The following MACROD2 variants were observed in gnomAD, a reference collection of about 807,000 sequenced individuals.
MACROD2 encodes the protein ADP-ribose glycohydrolase MACROD2.
Under a neutral mutation model 70.4 loss-of-function variants are expected in MACROD2, and 36 were observed. The observed-to-expected ratio is 0.51, with a 90% CI of 0.39 to 0.68. MACROD2 has a LOEUF of 0.68. MACROD2 is among the 30% of genes least tolerant of loss of function. The pLI is 0.00. For synonymous variants in MACROD2, 172 were observed against 178.8 expected (o/e 0.96, Z 0.30); for missense variants, 496 against 538.4 (o/e 0.92, Z 0.78).
At position 15,673,484 on chromosome 20, in the gene MACROD2, C is replaced by A. The variant is rs180763064; in HGVS notation, c.645+173637C>A. 3.3e-5 allele frequency among the ~76,000 whole-genome samples: 5 copies of A among 152,250 alleles called. No individual in the cohort carries two copies. In the East Asian group the frequency reaches 9.6e-4, roughly 29 times the overall value. On this transcript the variant is annotated intron_variant, in intron 8 of 17. Transcript: ENST00000684519. ...TCAGAAGTATGAACCCTCAGTTCCA[C>A]TAAATCCCAATCTTCATAAGTGGAA...
chr20:15,939,049 C>T (rs931631324), intron 12 of MACROD2, among the ~76,000 whole-genome samples: 4 of 152,146 alleles, frequency 2.6e-5, no homozygotes, highest in East Asian at 3.8e-4. Context: ...GAAAGTTGGA[C>T]GTTAGCAGAG....
intron 5 of MACROD2, among the ~76,000 whole-genome samples, chr20:15,045,734 T>TG (rs561347826): frequency 3.0e-3 from 440 of 147,378 alleles, no homozygotes; most frequent in Non-Finnish European, 4.5e-3. Flanking sequence ...TTTTTTTTTT[T>TG]TTTTTTTTTT....
chr20:15,347,189 TC>T (rs2146216140), intron 6 of MACROD2, among the ~76,000 whole-genome samples: 1 of 152,322 alleles, frequency 6.6e-6, no homozygotes, highest in African/African-American at 2.4e-5. Flanking sequence ...TTAAATGAGT[TC>T]TTTTTCTCAA....
intron 3 of MACROD2, among the ~76,000 whole-genome samples, chr20:14,144,418 C>T (rs1026769175): frequency 6.6e-6 from 1 of 152,162 alleles, no homozygotes; most frequent in African/African-American, 2.4e-5. Flanking sequence ...TGACCTTCCA[C>T]ATAACCTGTT....
At chr20:14,843,748 T>G (rs975116815) in intron 5 of MACROD2, among the ~76,000 whole-genome samples, 1 of 152,162 alleles carries the variant, frequency 6.6e-6, no homozygotes, top group Non-Finnish European at 1.5e-5. Context: ...TTTCTTACAT[T>G]TGGCCCAAAC....
At chr20:15,252,867 C>T (rs2077167765) in intron 6 of MACROD2, among the ~76,000 whole-genome samples, 1 of 152,146 alleles carries the variant, frequency 6.6e-6, no homozygotes, top group Admixed American at 6.5e-5. Context: ...ACCTACAGAG[C>T]CAGCTGCTCA....
intron 4 of MACROD2, among the ~76,000 whole-genome samples, chr20:14,664,689 A>C (rs2070718052): frequency 6.6e-6 from 1 of 152,090 alleles, no homozygotes. Flanking sequence ...AAAATAATGA[A>C]GCTCACAGTA....
rs138197863 is a variant in MACROD2, at chr20:15,623,989, A to G, written c.645+124142A>G. On this transcript the variant is annotated intron_variant, in intron 8 of 17. Coordinates refer to ENST00000684519, the MANE Select transcript of MACROD2 (RefSeq NM_001351661.2). ...CTCGATCACAAAGTGAAGTCCCACAATAGGCGGTCTGGAAGCTGAGGAACA... is the reference window on the plus strand; with the variant it reads ...CTCGATCACAAAGTGAAGTCCCACAGTAGGCGGTCTGGAAGCTGAGGAACA... Among the ~76,000 whole-genome samples, 14 of 152,288 alleles carry G rather than the reference A, an allele frequency of 9.2e-5. No individual in the cohort carries two copies. The East Asian group carries it at 2.1e-3, about 23-fold the overall frequency.
At chr20:15,363,590 A>G (rs62203482) in intron 6 of MACROD2, among the ~76,000 whole-genome samples, 25,254 of 152,158 alleles carry the variant, frequency 0.17, 2,426 homozygotes, top group Non-Finnish European at 0.22. Flanking sequence ...TGCACTGTGC[A>G]TCATTTGACC....
chr20:14,015,254 A>G (rs1477846726), intron 2 of MACROD2, among the ~76,000 whole-genome samples: 2 of 152,226 alleles, frequency 1.3e-5, no homozygotes, highest in African/African-American at 2.4e-5. Context: ...GACAATCACC[A>G]GTATCCATTT....
At chr20:14,149,678 T>A (rs1308639909) in intron 3 of MACROD2, among the ~76,000 whole-genome samples, 1 of 152,180 alleles carries the variant, frequency 6.6e-6, no homozygotes, top group Non-Finnish European at 1.5e-5. Context: ...ATAGTAGCCA[T>A]TCTGACTGGT....
intron 5 of MACROD2, among the ~76,000 whole-genome samples, chr20:14,997,572 T>C (rs2074960499): frequency 6.6e-6 from 1 of 152,170 alleles, no homozygotes; most frequent in Admixed American, 6.5e-5. Context: ...GGGTACCAGC[T>C]CAGCCACAGT....
chr20:15,497,627 A>G (rs1246133860), intron 7 of MACROD2, among the ~76,000 whole-genome samples: 1 of 152,024 alleles, frequency 6.6e-6, no homozygotes, highest in Non-Finnish European at 1.5e-5. Flanking sequence ...CCGTACTCTC[A>G]TTCTGCTTTT....
At chr20:15,545,989 T>G (rs2146577089) in intron 8 of MACROD2, among the ~76,000 whole-genome samples, 1 of 152,290 alleles carries the variant, frequency 6.6e-6, no homozygotes, top group East Asian at 1.9e-4. Context: ...GCACGATGGC[T>G]CATGCCTGTC....
At chr20:14,186,016 T>C (rs780344145) in intron 3 of MACROD2, among the ~76,000 whole-genome samples, 14 of 152,232 alleles carry the variant, frequency 9.2e-5, no homozygotes, top group African/African-American at 3.4e-4. Context: ...AGGCATGTGC[T>C]ATCTTCTTAC....
rs555364580 is a variant in MACROD2 at position 14,838,965 on chromosome 20, G to A, written c.418+154006G>A. Reference sequence around the variant, plus strand: ...TGAAATGTCTTTGTGGTCATGGTCTGGCAGTAATAGAAGCCATATGCTGTG... The same window carrying A: ...TGAAATGTCTTTGTGGTCATGGTCTAGCAGTAATAGAAGCCATATGCTGTG... On this transcript the variant is annotated intron_variant, in intron 5 of 17. Coordinates refer to ENST00000684519, the MANE Select transcript of MACROD2 (RefSeq NM_001351661.2). 6.2e-4 allele frequency among the ~76,000 whole-genome samples: 94 copies of A among 152,170 alleles called. 1 individual carries two copies. The highest frequency in any genetic ancestry group is 2.4e-3 in the Admixed American group (36 of 15,282).
At chr20:15,098,576 C>A (rs2075850391) in intron 5 of MACROD2, among the ~76,000 whole-genome samples, 1 of 152,200 alleles carries the variant, frequency 6.6e-6, no homozygotes, top group African/African-American at 2.4e-5. Flanking sequence ...TCCTCCAGCT[C>A]TAACACTATG....
chr20:14,362,869 G>A (rs780889762), intron 3 of MACROD2, among the ~76,000 whole-genome samples: 3 of 152,090 alleles, frequency 2.0e-5, no homozygotes, highest in Admixed American at 1.3e-4. Context: ...GATAGGAAGC[G>A]ATGACTTTTG....
At position 15,926,434 on chromosome 20, in the gene MACROD2, C is replaced by T. The variant is rs530238988; in HGVS notation, c.776-6842C>T. Among the ~76,000 whole-genome samples the T allele has an allele frequency of 1.1e-4, 16 of 152,200 alleles. No homozygotes were observed. In the South Asian group the frequency reaches 2.5e-3, roughly 24 times the overall value. ...CAAAGCAGACAAAGACCCTTGCCTC[C>T]GTGGAGCTTACATTCAAGGAGGGGC... is the stretch of plus-strand genomic sequence containing the variant. On this transcript the variant is annotated intron_variant, in intron 10 of 17. Transcript: ENST00000684519.
Sources: gnomAD v4.1 joint callset for allele counts (sites outside exome capture counted in the v4.1 genomes callset) on GRCh38, gnomAD v4.1.1 for gene constraint, MANE v1.5 for transcripts, NCBI Gene and HGNC (gene_info 2026-07-23, HGNC 2026-07-21) for gene names.